TLCD4: variants seen among roughly 807,000 people sequenced by gnomAD.
The protein encoded by TLCD4 is TLC domain containing 4, also known as TLC domain-containing protein 4.
In TLCD4, 7 loss-of-function variants were observed where a neutral mutation model predicts 24.2. The observed-to-expected ratio is 0.29, with a 90% CI of 0.16 to 0.54. TLCD4 has a LOEUF of 0.54. TLCD4 is among the 20% of genes least tolerant of loss of function. TLCD4 has a pLI of 0.95. For missense variants in TLCD4, 259 were observed against 313.9 expected (o/e 0.82, Z 1.32); for synonymous variants, 103 against 106.4 (o/e 0.97, Z 0.20).
chr1:95,103,816 T>C, the TLCD4 span, among the ~76,000 whole-genome samples: 1 of 152,236 alleles, frequency 6.6e-6, no homozygotes, highest in Non-Finnish European at 1.5e-5. Context: ...AAGTTTCCCA[T>C]GATACTCTTA....
chr1:95,107,387 C>A, the TLCD4 span, among the ~76,000 whole-genome samples: 1 of 152,178 alleles, frequency 6.6e-6, no homozygotes, highest in Non-Finnish European at 1.5e-5. Context: ...TGCGCCACTG[C>A]ACTTCAGCCT....
chr1:95,153,101 C>G (rs1453399549), intron 5 of TLCD4, among the ~76,000 whole-genome samples: 1 of 151,564 alleles, frequency 6.6e-6, no homozygotes, highest in Non-Finnish European at 1.5e-5. Context: ...GAGTCTTGCT[C>G]TGTCACCAGG....
chr1:95,189,020 A>G (rs1158119492), intron 6 of TLCD4, among the ~76,000 whole-genome samples: 1 of 152,202 alleles, frequency 6.6e-6, no homozygotes, highest in Non-Finnish European at 1.5e-5. Context: ...AGCTATATCA[A>G]GCTAAAATAG....
chr1:95,138,327 A>C (rs991291241), intron 1 of TLCD4: 3 of 152,060 alleles, frequency 2.0e-5, no homozygotes, highest in Non-Finnish European at 4.4e-5. Context: ...CTGTTTTTTG[A>C]TGTGAAGACT....
intron 1 of TLCD4, among the ~76,000 whole-genome samples, chr1:95,137,053 G>A (rs141536402): frequency 1.2e-4 from 18 of 152,150 alleles, no homozygotes; most frequent in African/African-American, 3.6e-4. Context: ...TGTTGGAGGT[G>A]CAGGGCGCAT....
chr1:95,109,974 A>G, the TLCD4 span, among the ~76,000 whole-genome samples: 2 of 136,458 alleles, frequency 1.5e-5, no homozygotes, highest in Non-Finnish European at 3.1e-5. Flanking sequence ...CACACAAACA[A>G]TTTTGGTAAA....
the TLCD4 span, among the ~76,000 whole-genome samples, chr1:95,109,296 T>C: frequency 1.3e-5 from 2 of 152,098 alleles, no homozygotes; most frequent in East Asian, 1.9e-4. Context: ...TGAGCCAAAA[T>C]TGTGCCACTG....
At chr1:95,135,980 C>A (rs1677030232) in intron 1 of TLCD4, among the ~76,000 whole-genome samples, 1 of 152,060 alleles carries the variant, frequency 6.6e-6, no homozygotes, top group South Asian at 2.1e-4. Flanking sequence ...CCTTGACCTC[C>A]CAAAGTGCTG....
At chr1:95,190,417 G>A (rs1678986289) in intron 6 of TLCD4, among the ~76,000 whole-genome samples, 1 of 150,660 alleles carries the variant, frequency 6.6e-6, no homozygotes, top group Non-Finnish European at 1.5e-5. Context: ...TGCAACCTCT[G>A]CCTCCTGGGT....
At chr1:95,101,209 G>A in the TLCD4 span, among the ~76,000 whole-genome samples, 1 of 151,740 alleles carries the variant, frequency 6.6e-6, no homozygotes, top group Non-Finnish European at 1.5e-5. Flanking sequence ...GCCTGGCCTA[G>A]GTCTCTAACT....
At chr1:95,169,105 A>G (rs1678122648) in intron 5 of TLCD4, among the ~76,000 whole-genome samples, 1 of 152,210 alleles carries the variant, frequency 6.6e-6, no homozygotes, top group Non-Finnish European at 1.5e-5. Context: ...CTATTTCTAG[A>G]CTAGGAAAGC....
At chr1:95,130,405 G>A (rs1676859696) in intron 1 of TLCD4, among the ~76,000 whole-genome samples, 1 of 152,104 alleles carries the variant, frequency 6.6e-6, no homozygotes, top group South Asian at 2.1e-4. Context: ...ACTGGCCTCG[G>A]CCTCCCAAAG....
At chr1:95,148,589 C>G in intron 2 of TLCD4, 113 bp from the exon 3 acceptor site, 2 of 1,417,712 alleles carry the variant, frequency 1.4e-6, no homozygotes, top group African/African-American at 1.4e-5. Flanking sequence ...ATACTTCACA[C>G]CTGTATATAA....
intron 5 of TLCD4, among the ~76,000 whole-genome samples, chr1:95,151,628 T>C (rs1475794411): frequency 6.6e-6 from 1 of 152,168 alleles, no homozygotes; most frequent in Admixed American, 6.6e-5. Context: ...TGTCTGTTTG[T>C]ATTCATAGAT....
chr1:95,178,783 A>G (rs888424418), intron 6 of TLCD4, among the ~76,000 whole-genome samples: 1 of 152,116 alleles, frequency 6.6e-6, no homozygotes, highest in Non-Finnish European at 1.5e-5. Flanking sequence ...TATGAAAAGA[A>G]CATATTTAAT....
At chr1:95,186,194 C>A (rs546744061) in intron 6 of TLCD4, among the ~76,000 whole-genome samples, 1 of 152,252 alleles carries the variant, frequency 6.6e-6, no homozygotes, top group South Asian at 2.1e-4. Flanking sequence ...TATCATTTAT[C>A]CCCATTTATA....
intron 5 of TLCD4, among the ~76,000 whole-genome samples, chr1:95,157,157 T>C (rs927634925): frequency 2.6e-5 from 4 of 152,132 alleles, no homozygotes; most frequent in Non-Finnish European, 5.9e-5. Context: ...TTAGGAAACA[T>C]TGACAAGCAA....
rs1679195282 is a variant in TLCD4, at chr1:95,196,039, T to C, written c.*4171T>C. The C allele has an allele frequency of 6.6e-6, 1 of 152,102 alleles. No homozygotes were observed. Among genetic ancestry groups the C allele is most frequent in the South Asian group, 2.1e-4 (1 of 4,816 alleles). 9.4% of individuals were successfully genotyped at this position (152,102 alleles called of 1,614,324 possible). On this transcript the variant is annotated 3_prime_UTR_variant, in exon 7 of 7. Coordinates refer to ENST00000370203, the MANE Select transcript of TLCD4 (RefSeq NM_152487.3). ...ATTGAAAAAAAGCATTGTAGTAAAGTTTAAAGTGGAGCTCAGACAAATCAT... is the reference window on the plus strand; with the variant it reads ...ATTGAAAAAAAGCATTGTAGTAAAGCTTAAAGTGGAGCTCAGACAAATCAT...
intron 1 of TLCD4, among the ~76,000 whole-genome samples, chr1:95,141,917 TG>T (rs1250305380): frequency 2.0e-5 from 3 of 152,036 alleles, no homozygotes; most frequent in Non-Finnish European, 4.4e-5. Context: ...TACGATATCC[TG>T]GTTGGAAGGG....
Sources: allele counts gnomAD v4.1 joint callset (sites outside exome capture counted in the v4.1 genomes callset), GRCh38; gene constraint gnomAD v4.1.1; transcripts MANE v1.5; gene names NCBI Gene and HGNC (gene_info 2026-07-23, HGNC 2026-07-21).